The following INTS8 variants were observed in gnomAD, a reference collection of about 807,000 sequenced individuals.
INTS8 encodes protein kaonashi-1.
A neutral mutation model predicts 138.9 loss-of-function variants in INTS8; 47 were observed. The ratio of observed to expected loss-of-function variants is 0.34; its 90% confidence interval spans 0.27 to 0.43. The LOEUF is 0.43. INTS8 is among the 20% of genes least tolerant of loss of function. The pLI, the probability that INTS8 is intolerant of heterozygous loss-of-function variation, is 1.00. For missense variants in INTS8, 996 were observed against 1,173.0 expected, an observed-to-expected ratio of 0.85 and a Z score of 2.20; for synonymous variants, 392 against 400.9, an observed-to-expected ratio of 0.98 and a Z score of 0.27.
chr8:94,878,782 C>G (rs1816668127), intron 26 of INTS8, among the ~76,000 whole-genome samples: 1 of 152,232 alleles, frequency 6.6e-6, no homozygotes, highest in Non-Finnish European at 1.5e-5. Flanking sequence ...CACCAAATGC[C>G]AGATCCAGTG....
intron 20 of INTS8, among the ~76,000 whole-genome samples, chr8:94,869,786 C>T (rs891691593): frequency 1.3e-5 from 2 of 151,968 alleles, no homozygotes; most frequent in Non-Finnish European, 2.9e-5. Flanking sequence ...CCACTGCGCC[C>T]CACCTAATGG....
chr8:94,843,663 A>G (rs558831795), intron 10 of INTS8, among the ~76,000 whole-genome samples: 2 of 152,080 alleles, frequency 1.3e-5, no homozygotes, highest in Non-Finnish European at 2.9e-5. Context: ...TTGGCTGTAT[A>G]CACATATGAT....
Position 94,880,796 on chromosome 8 carries a change from G to A in INTS8, c.*562G>A. ...AAAAATTCCTTAGGGATATCTTAGAGTAGTAAAGTGACTTCCTCATATAAA... is the reference window on the plus strand; with the variant it reads ...AAAAATTCCTTAGGGATATCTTAGAATAGTAAAGTGACTTCCTCATATAAA... On this transcript the variant is annotated 3_prime_UTR_variant, in exon 27 of 27. Coordinates refer to ENST00000523731, the MANE Select transcript of INTS8 (RefSeq NM_017864.4). 1 of 398,432 alleles carries A rather than the reference G, an allele frequency of 2.5e-6. No individual in the cohort carries two copies. The highest frequency in any genetic ancestry group is 4.4e-6 in the Non-Finnish European group (1 of 225,732). The allele number at this position is 398,432 out of a possible 1,614,324, so 24.7% of individuals were successfully genotyped here.
chr8:94,828,929 T>C (rs2130993669), intron 4 of INTS8, 46 bp from the exon 5 acceptor site: 2 of 1,291,402 alleles, frequency 1.5e-6, no homozygotes, highest in South Asian at 1.2e-5. Flanking sequence ...TTTTTAGTCT[T>C]GAGAGTAACT....
At chr8:94,868,341 T>A (rs1054308248) in intron 20 of INTS8, among the ~76,000 whole-genome samples, 3 of 152,214 alleles carry the variant, frequency 2.0e-5, no homozygotes, top group African/African-American at 7.2e-5. Flanking sequence ...CTTAGTGGCA[T>A]CTTTGAAGAA....
intron 10 of INTS8, among the ~76,000 whole-genome samples, chr8:94,842,704 C>G (rs942047993): frequency 6.6e-6 from 1 of 152,176 alleles, no homozygotes; most frequent in African/African-American, 2.4e-5. Context: ...TTATTGGATT[C>G]TCCTTAGTCC....
chr8:94,875,352 A>G (rs1446251542), intron 23 of INTS8, among the ~76,000 whole-genome samples: 1 of 152,220 alleles, frequency 6.6e-6, no homozygotes, highest in African/African-American at 2.4e-5. Context: ...GATTATGCTA[A>G]GTGAAAGAAG....
At chr8:94,829,282 C>T (rs1446984700) in intron 5 of INTS8, among the ~76,000 whole-genome samples, 13 of 151,716 alleles carry the variant, frequency 8.6e-5, no homozygotes, top group South Asian at 8.3e-4. Context: ...TTAGAATCAA[C>T]GGGAACCCTG....
At position 94,871,864 on chromosome 8, in the gene INTS8, T is replaced by C. The variant is rs1444331565; in HGVS notation, c.2415-20T>C. The C allele has an allele frequency of 8.0e-7, 1 of 1,254,162 alleles. No individual in the cohort carries two copies. The allele number at this position is 1,254,162 out of a possible 1,614,324, so 77.7% of individuals were successfully genotyped here. A position where few individuals can be genotyped will look rare whatever the true frequency, so the allele number is the denominator to read the frequency against. ...TTGACTTTTAAAATAGAGATTAATG[T>C]TGTGTGTCTTTCCTTTTAGCCTCCA... On this transcript the variant is annotated intron_variant, in intron 20 of 26. Coordinates refer to ENST00000523731, the MANE Select transcript of INTS8 (RefSeq NM_017864.4).
intron 6 of INTS8, among the ~76,000 whole-genome samples, chr8:94,834,419 C>T (rs186702431): frequency 6.6e-6 from 1 of 150,822 alleles, no homozygotes; most frequent in East Asian, 1.9e-4. Flanking sequence ...CTTTTAGTAT[C>T]CCTTTACTCC....
intron 26 of INTS8, among the ~76,000 whole-genome samples, chr8:94,878,765 C>CA (rs1403955713): frequency 3.3e-5 from 5 of 152,232 alleles, no homozygotes; most frequent in Non-Finnish European, 1.5e-5. Flanking sequence ...ACTTTTCTCT[C>CA]AAGAGCCACC....
chr8:94,823,396 G>A lies in INTS8; in HGVS notation c.-36G>A. 6.6e-7 allele frequency: 1 copy of A among 1,511,876 alleles called. No individual in the cohort carries two copies. Among genetic ancestry groups the A allele is most frequent in the Non-Finnish European group, 8.8e-7 (1 of 1,132,504 alleles). 93.7% of individuals were successfully genotyped at this position (1,511,876 alleles called of 1,614,324 possible). On this transcript the variant is annotated 5_prime_UTR_variant, in exon 1 of 27. Transcript: ENST00000523731. The stretch of plus-strand genomic sequence containing the variant: ...GCATCCAAGTGTCAGGTTGGAGCCG[G>A]GAAGCGGCCCTGGTGGTAGCGGCGG...
intron 16 of INTS8, among the ~76,000 whole-genome samples, chr8:94,860,597 A>C (rs1299682269): frequency 1.3e-5 from 2 of 150,800 alleles, no homozygotes; most frequent in Admixed American, 6.6e-5. Flanking sequence ...AAAAAAAAAA[A>C]AAAAAAACCC....
Position 94,824,913 on chromosome 8 carries a change from A to G in INTS8, c.151A>G (p.Ile51Val). ...CCTAGATCCTGCACCAGTTCAACTTATAGTTCAGTTTTTGGAACAGGCTTC... is the reference window on the plus strand; with the variant it reads ...CCTAGATCCTGCACCAGTTCAACTTGTAGTTCAGTTTTTGGAACAGGCTTC... ...PCPDPAPVQL[I>V]VQFLEQASKP... The change falls in exon 2 of 27, where the codon ATA (isoleucine) becomes GTA (valine). Residue 51 changes from isoleucine (I) to valine (V), a missense_variant. By Grantham distance (29) the Ile-to-Val change is conservative. Coordinates refer to ENST00000523731, the MANE Select transcript of INTS8 (RefSeq NM_017864.4). 2 of 1,610,910 alleles carry G rather than the reference A, an allele frequency of 1.2e-6. No individual in the cohort carries two copies. Among genetic ancestry groups the G allele is most frequent in the Non-Finnish European group, 1.7e-6 (2 of 1,177,972 alleles).
At chr8:94,873,705 G>A in intron 22 of INTS8, 1 of 449,888 alleles carries the variant, frequency 2.2e-6, no homozygotes, top group Non-Finnish European at 4.0e-6. Context: ...ACTGATTTGT[G>A]TCTGTCTTTA....
chr8:94,872,434 A>T lies in INTS8; in HGVS notation c.2533+432A>T, dbSNP rs370797642. ...TTTTTAGTAGATACGGGTTTTCGCC[A>T]TGTTGGCCAGGCTGATCTTGAACTC... On this transcript the variant is annotated intron_variant, in intron 21 of 26. Coordinates refer to ENST00000523731, the MANE Select transcript of INTS8 (RefSeq NM_017864.4). Among the ~76,000 whole-genome samples, 14 of 152,284 alleles carry T rather than the reference A, an allele frequency of 9.2e-5. No homozygotes were observed. The East Asian group carries it at 1.7e-3, about 19-fold the overall frequency.
At chr8:94,825,124 T>C in intron 2 of INTS8, 57 bp downstream of exon 2, 1 of 1,200,930 alleles carries the variant, frequency 8.3e-7, no homozygotes, top group Admixed American at 1.9e-5. Flanking sequence ...TCTTGGTTTA[T>C]TTCTATATAT....
At chr8:94,835,900 GCTT>G (rs1463099307) in intron 6 of INTS8, among the ~76,000 whole-genome samples, 1 of 152,160 alleles carries the variant, frequency 6.6e-6, no homozygotes, top group East Asian at 1.9e-4. Flanking sequence ...GCCCAGCCAG[GCTT>G]CTTCTTATAG....
chr8:94,860,662 T>C (rs2131049269), intron 16 of INTS8, among the ~76,000 whole-genome samples: 1 of 152,080 alleles, frequency 6.6e-6, no homozygotes, highest in East Asian at 1.9e-4. Flanking sequence ...TGTCTCCTTT[T>C]TGGGTATATT....
Sources: allele counts gnomAD v4.1 joint callset (sites outside exome capture counted in the v4.1 genomes callset), GRCh38; gene constraint gnomAD v4.1.1; transcripts MANE v1.5; gene names NCBI Gene and HGNC (gene_info 2026-07-23, HGNC 2026-07-21).